The following PPL variants were observed in gnomAD, a reference collection of about 807,000 sequenced individuals.
PPL encodes the protein periplakin.
A neutral mutation model predicts 194.4 loss-of-function variants in PPL; 198 were observed. The observed-to-expected ratio is 1.02, with a 90% CI of 0.91 to 1.15. PPL has a LOEUF of 1.15. Among genes scored for constraint, PPL ranks in the 50% most tolerant of loss-of-function variants. The pLI, the probability that PPL is intolerant of heterozygous loss-of-function variation, is 0.00. For synonymous variants in PPL, 1,220 were observed against 972.4 expected (o/e 1.25, Z -4.74); for missense variants, 2,885 against 2,294.8 (o/e 1.26, Z -5.25).
At chr16:4,899,693 C>T (rs2088516799) in intron 6 of PPL, among the ~76,000 whole-genome samples, 1 of 151,534 alleles carries the variant, frequency 6.6e-6, no homozygotes, top group Non-Finnish European at 1.5e-5. Flanking sequence ...CCTTACGGAA[C>T]TGACATTTTT....
At position 4,899,211 on chromosome 16, in the gene PPL, C is replaced by A; in HGVS notation, c.768+12G>T. 2 of 1,613,772 alleles carry A rather than the reference C, an allele frequency of 1.2e-6. No homozygotes were observed. Among genetic ancestry groups the A allele is most frequent in the Non-Finnish European group, 1.7e-6 (2 of 1,179,806 alleles). Reference sequence around the variant, plus strand: ...TGCCTCCTCCCTGATGCCCCAGGCCCCCAGAACCCACCTCATACTGGCGCC... The same window carrying A: ...TGCCTCCTCCCTGATGCCCCAGGCCACCAGAACCCACCTCATACTGGCGCC... On this transcript the variant is annotated intron_variant, in intron 7 of 21. Coordinates refer to ENST00000345988, the MANE Select transcript of PPL (RefSeq NM_002705.5).
At chr16:4,893,421 G>A (rs1219530236) in intron 13 of PPL, 51 bp from the exon 14 acceptor site, 1 of 1,594,166 alleles carries the variant, frequency 6.3e-7, no homozygotes, top group Non-Finnish European at 8.5e-7. Flanking sequence ...CCAGGGGTGT[G>A]AGGCCCAGGG....
At chr16:4,890,979 A>T in intron 16 of PPL, 58 bp from the exon 17 acceptor site, 2 of 1,414,884 alleles carry the variant, frequency 1.4e-6, no homozygotes, top group Non-Finnish European at 1.9e-6. Flanking sequence ...GAGCCAGGCG[A>T]TGACACCCAC....
chr16:4,889,136 G>A, intron 18 of PPL, 75 bp from the exon 19 acceptor site: 2 of 1,114,210 alleles, frequency 1.8e-6, no homozygotes, highest in South Asian at 2.5e-5. Flanking sequence ...GCAGTAGCTG[G>A]AAATCTCAGA....
chr16:4,914,541 G>A (rs2088882279), intron 1 of PPL, among the ~76,000 whole-genome samples: 1 of 152,174 alleles, frequency 6.6e-6, no homozygotes, highest in African/African-American at 2.4e-5. Flanking sequence ...GGAGCTGGGG[G>A]ATCTTGAGGG....
At position 4,888,238 on chromosome 16, in the gene PPL, G is replaced by A; in HGVS notation, c.2398-20C>T. 6.5e-7 allele frequency: 1 copy of A among 1,530,124 alleles called. No homozygotes were observed. The highest frequency in any genetic ancestry group is 9.1e-7 in the Non-Finnish European group (1 of 1,103,814). 94.8% of individuals were successfully genotyped at this position (1,530,124 alleles called of 1,614,324 possible). A position where few individuals can be genotyped will look rare whatever the true frequency, so the allele number is the denominator to read the frequency against. ...ATAGTCCTGCATGAGGGAGAGACAT[G>A]GCAGAGGGGAGATTAAAACAGCTGA... is the stretch of plus-strand genomic sequence containing the variant. On this transcript the variant is annotated intron_variant, in intron 19 of 21. Transcript: ENST00000345988.
intron 2 of PPL, among the ~76,000 whole-genome samples, chr16:4,908,207 A>G (rs2088741023): frequency 6.6e-6 from 1 of 151,220 alleles, no homozygotes. Flanking sequence ...AAAATTGTTC[A>G]GGCCAAGCAC....
chr16:4,912,716 GT>G (rs1246044014), intron 1 of PPL, among the ~76,000 whole-genome samples: 1 of 152,198 alleles, frequency 6.6e-6, no homozygotes, highest in African/African-American at 2.4e-5. Flanking sequence ...GGGTTCCGTG[GT>G]GACACTGGGC....
intron 1 of PPL, among the ~76,000 whole-genome samples, chr16:4,915,163 C>A (rs1308289604): frequency 6.6e-6 from 1 of 152,236 alleles, no homozygotes; most frequent in African/African-American, 2.4e-5. Flanking sequence ...TCTATCCTGG[C>A]TGGGCCTGTT....
chr16:4,914,530 C>A (rs934360061), intron 1 of PPL, among the ~76,000 whole-genome samples: 2 of 152,142 alleles, frequency 1.3e-5, no homozygotes. Flanking sequence ...CTGGATACAC[C>A]GGAGCTGGGG....
At chr16:4,888,484 A>G (rs1005733820) in intron 19 of PPL, among the ~76,000 whole-genome samples, 1 of 152,142 alleles carries the variant, frequency 6.6e-6, no homozygotes, top group African/African-American at 2.4e-5. Context: ...GCCTTTCTAC[A>G]TGCCTAGAGA....
intron 1 of PPL, among the ~76,000 whole-genome samples, chr16:4,913,229 C>T (rs973735153): frequency 3.9e-5 from 6 of 152,168 alleles, no homozygotes; most frequent in South Asian, 2.1e-4. Flanking sequence ...ACAGACAGAC[C>T]ACTCTGGAAA....
intron 6 of PPL, among the ~76,000 whole-genome samples, chr16:4,900,458 A>ATTTTTTTTTTTTTT (rs2088540804): frequency 1.4e-4 from 2 of 14,068 alleles, no homozygotes; most frequent in South Asian, 1.7e-3. Flanking sequence ...TTTTTTTTTA[A>ATTTTTTTTTTTTTT]AGGCAGGGTT....
intron 10 of PPL, 39 bp downstream of exon 10, chr16:4,895,555 C>G: frequency 6.2e-7 from 1 of 1,612,784 alleles, no homozygotes; most frequent in Non-Finnish European, 8.5e-7. Flanking sequence ...AGGGGTCCCC[C>G]GCCCCCCGGG....
Position 4,883,519 on chromosome 16 carries a change from GTCGTGTA to G in PPL, c.5129_5135del (p.Ile1710ThrfsTer19). On this transcript the variant is annotated frameshift_variant, in exon 22 of 22. Transcript: ENST00000345988. LOFTEE classifies it high-confidence loss of function. The surrounding 1 kb of genome is among the most constrained non-coding windows in gnomAD (Gnocchi z 4.8). ...TGGAGAACTTCTTGCCAGACTTCCTGTCGTGTATCACTGAGGACTCCCCATTGGGACC... is the reference window on the plus strand; with the variant it reads ...TGGAGAACTTCTTGCCAGACTTCCTGTCACTGAGGACTCCCCATTGGGACC... 6.2e-7 allele frequency: 1 copy of G among 1,614,202 alleles called. No homozygotes were observed. Among genetic ancestry groups the G allele is most frequent in the South Asian group, 1.1e-5 (1 of 91,088 alleles).
chr16:4,890,164 T>G lies in PPL; in HGVS notation c.2313+20A>C. ...TCCCTTGCCAGTGTGTGCCTGGGGC[T>G]GCGGAAACGGCCATCTCACCTTCTG... On this transcript the variant is annotated intron_variant, in intron 18 of 21. Transcript: ENST00000345988. 1 of 1,613,980 alleles carries G rather than the reference T, an allele frequency of 6.2e-7. No homozygotes were observed. Among genetic ancestry groups the G allele is most frequent in the Admixed American group, 1.7e-5 (1 of 60,026 alleles).
At chr16:4,929,505 A>G (rs549102732) in intron 1 of PPL, among the ~76,000 whole-genome samples, 4 of 152,304 alleles carry the variant, frequency 2.6e-5, no homozygotes, top group Admixed American at 1.3e-4. Context: ...AGACATGCAG[A>G]AAAGTACTGA....
rs748030966 is a variant in PPL at position 4,883,581 on chromosome 16, C to A, written c.5074G>T (p.Glu1692Ter). ...ACTGAGATCTCCTCCCAGTCGCACT[C>A]CTGGCTTCTGAGTTTCACGAACATG... is the stretch of plus-strand genomic sequence containing the variant. ...WNMFVKLRSQ[E>*]CDWEEISVKG... Residue 1692 changes from glutamate (E) to a stop codon, truncating the protein, a stop_gained, in exon 22 of 22, where the codon GAG becomes TAG. Transcript: ENST00000345988. LOFTEE classifies it high-confidence loss of function. This position sits in a 1 kb window ranked among gnomAD's most constrained non-coding sequence, Gnocchi z 4.8. 1 of 1,614,058 alleles carries A rather than the reference C, an allele frequency of 6.2e-7. No homozygotes were observed. Among genetic ancestry groups the A allele is most frequent in the African/African-American group, 1.3e-5 (1 of 74,940 alleles).
At chr16:4,900,466 G>GTTT (rs2088541152) in intron 6 of PPL, among the ~76,000 whole-genome samples, 1 of 29,368 alleles carries the variant, frequency 3.4e-5, no homozygotes, top group African/African-American at 8.6e-5. Context: ...TAAAGGCAGG[G>GTTT]TTTTGCTCTG....
Sources: gnomAD v4.1 joint callset for allele counts (sites outside exome capture counted in the v4.1 genomes callset) on GRCh38, gnomAD v4.1.1 for gene constraint, Gnocchi (gnomAD v3.1) non-coding constraint, MANE v1.5 for transcripts, NCBI Gene and HGNC (gene_info 2026-07-23, HGNC 2026-07-21) for gene names.